CTNNA2: variants seen among roughly 807,000 people sequenced by gnomAD.
CTNNA2 encodes the protein catenin alpha-2.
A neutral mutation model predicts 101.0 loss-of-function variants in CTNNA2; 42 were observed. The ratio of observed to expected loss-of-function variants is 0.42; its 90% CI spans 0.32 to 0.54. The LOEUF is 0.54. Among genes scored for constraint, CTNNA2 ranks in the 20% least tolerant of loss-of-function variants. The probability of loss-of-function intolerance (pLI) is 0.14; values close to 1 mark genes in which losing one functional copy is unlikely to be tolerated. For synonymous variants in CTNNA2, 450 were observed against 456.4 expected (o/e 0.99, Z 0.18); for missense variants, 871 against 1,223.1 (o/e 0.71, Z 4.29).
At chr2:79,931,497 C>T (rs2104422572) in intron 7 of CTNNA2, among the ~76,000 whole-genome samples, 2 of 152,080 alleles carry the variant, frequency 1.3e-5, no homozygotes, top group African/African-American at 4.8e-5. Context: ...ACCCATGGTC[C>T]TCAAAGTGTG....
At chr2:79,230,075 G>C (rs1397125760) in intron 2 of CTNNA2, among the ~76,000 whole-genome samples, 1 of 152,238 alleles carries the variant, frequency 6.6e-6, no homozygotes, top group African/African-American at 2.4e-5. Flanking sequence ...GATGGACAAT[G>C]TGATAAAAAT....
intron 7 of CTNNA2, among the ~76,000 whole-genome samples, chr2:80,217,614 G>A (rs1252787734): frequency 6.6e-6 from 1 of 152,062 alleles, no homozygotes; most frequent in Admixed American, 6.5e-5. Context: ...ACTCTTAATT[G>A]TTGTAGGCAC....
At chr2:79,926,855 C>T (rs554397358) in intron 7 of CTNNA2, among the ~76,000 whole-genome samples, 1 of 151,600 alleles carries the variant, frequency 6.6e-6, no homozygotes, top group East Asian at 1.9e-4. Context: ...TGTTGTAAGC[C>T]TATTAAGTCC....
At chr2:79,442,425 C>T (rs949261511) in intron 4 of CTNNA2, among the ~76,000 whole-genome samples, 2 of 152,252 alleles carry the variant, frequency 1.3e-5, no homozygotes, top group East Asian at 3.9e-4. Flanking sequence ...TTTCTGAAAG[C>T]TCCCTATGTT....
intron 4 of CTNNA2, among the ~76,000 whole-genome samples, chr2:79,426,879 A>G (rs999002839): frequency 2.0e-5 from 3 of 152,150 alleles, no homozygotes; most frequent in Admixed American, 2.0e-4. Context: ...AATAGACAAG[A>G]TTCTGCCCTT....
At chr2:79,262,557 T>C (rs1319370752) in intron 2 of CTNNA2, among the ~76,000 whole-genome samples, 2 of 152,022 alleles carry the variant, frequency 1.3e-5, no homozygotes, top group Non-Finnish European at 2.9e-5. Flanking sequence ...TCTGTGAAAC[T>C]TAGAGATAAT....
chr2:79,300,467 T>A (rs1676082176), intron 2 of CTNNA2, among the ~76,000 whole-genome samples: 2 of 152,136 alleles, frequency 1.3e-5, no homozygotes, highest in Non-Finnish European at 2.9e-5. Context: ...ACCACTTTCT[T>A]CTCTCTCCAA....
At position 79,799,348 on chromosome 2, in the gene CTNNA2, A is replaced by G. The variant is rs75929529; in HGVS notation, c.298+54766A>G. ...ATTCCAAACACCACACCCCGCCTGT[A>G]ATATAGACTGTGATACAGAGTTGGC... On this transcript the variant is annotated intron_variant, in intron 3 of 18. Coordinates refer to ENST00000402739, the MANE Select transcript of CTNNA2 (RefSeq NM_001282597.3). Among the ~76,000 whole-genome samples, 201 of 152,208 alleles carry G rather than the reference A, an allele frequency of 1.3e-3. 1 individual carries two copies. Among genetic ancestry groups the G allele is most frequent in the African/African-American group, 4.7e-3 (194 of 41,520 alleles).
At chr2:79,688,662 G>T (rs888914178) in intron 2 of CTNNA2, among the ~76,000 whole-genome samples, 4 of 151,986 alleles carry the variant, frequency 2.6e-5, no homozygotes, top group Admixed American at 1.3e-4. Flanking sequence ...AAAGTACTAA[G>T]TGAACAAGAT....
At chr2:80,105,402 G>A (rs1289734427) in intron 7 of CTNNA2, among the ~76,000 whole-genome samples, 5 of 152,202 alleles carry the variant, frequency 3.3e-5, no homozygotes, top group African/African-American at 1.2e-4. Flanking sequence ...GGTTTATCAG[G>A]TACATAAAGC....
chr2:79,981,060 C>T lies in CTNNA2; in HGVS notation c.1056+71263C>T, dbSNP rs188528369. On this transcript the variant is annotated intron_variant, in intron 7 of 18. Coordinates refer to ENST00000402739, the MANE Select transcript of CTNNA2 (RefSeq NM_001282597.3). ...TTTATCAGCCACGTATGGAGAGATT[C>T]TGAAAGATGTTTTGTCATTTTCCAC... 1.5e-4 allele frequency among the ~76,000 whole-genome samples: 23 copies of T among 152,074 alleles called. No individual in the cohort carries two copies. The East Asian group carries it at 3.5e-3, about 23-fold the overall frequency.
intron 2 of CTNNA2, among the ~76,000 whole-genome samples, chr2:79,729,432 G>A (rs1342223843): frequency 2.0e-5 from 3 of 152,036 alleles, no homozygotes; most frequent in Non-Finnish European, 4.4e-5. Flanking sequence ...TCCAAATTCT[G>A]TATTGTTTCT....
chr2:80,215,239 G>C (rs901978227), intron 7 of CTNNA2, among the ~76,000 whole-genome samples: 2 of 152,042 alleles, frequency 1.3e-5, no homozygotes, highest in African/African-American at 4.8e-5. Context: ...TGTTATTACC[G>C]ATCATCTGAA....
chr2:80,182,742 C>A (rs1011529361), intron 7 of CTNNA2, among the ~76,000 whole-genome samples: 1 of 152,060 alleles, frequency 6.6e-6, no homozygotes, highest in African/African-American at 2.4e-5. Flanking sequence ...ATTTTTATGG[C>A]GAAAAAGCCA....
intron 2 of CTNNA2, among the ~76,000 whole-genome samples, chr2:79,298,717 A>C (rs141291154): frequency 6.6e-6 from 1 of 152,180 alleles, no homozygotes; most frequent in Non-Finnish European, 1.5e-5. Context: ...CTTATCCCCA[A>C]GTCAAAAATC....
At chr2:79,259,799 A>G (rs1383452293) in intron 2 of CTNNA2, among the ~76,000 whole-genome samples, 1 of 152,186 alleles carries the variant, frequency 6.6e-6, no homozygotes, top group Non-Finnish European at 1.5e-5. Flanking sequence ...AATGCACAAA[A>G]GAACCAAAAC....
intron 2 of CTNNA2, among the ~76,000 whole-genome samples, chr2:79,284,279 A>G (rs1675490769): frequency 1.8e-5 from 1 of 54,178 alleles, no homozygotes; most frequent in Non-Finnish European, 3.5e-5. Context: ...TGCCCTGGCC[A>G]GAACTTCCAA....
At chr2:79,978,103 AC>A in intron 7 of CTNNA2, among the ~76,000 whole-genome samples, 1 of 152,194 alleles carries the variant, frequency 6.6e-6, no homozygotes, top group East Asian at 1.9e-4. Context: ...GTAAGGTTTT[AC>A]CATTGAGATG....
intron 2 of CTNNA2, among the ~76,000 whole-genome samples, chr2:79,686,506 G>A (rs1004018158): frequency 3.9e-5 from 6 of 152,082 alleles, no homozygotes; most frequent in South Asian, 2.1e-4. Context: ...ACTCTATTTC[G>A]TACTCATTGA....
Sources: gnomAD v4.1 joint callset for allele counts (sites outside exome capture counted in the v4.1 genomes callset) on GRCh38, gnomAD v4.1.1 for gene constraint, MANE v1.5 for transcripts, NCBI Gene and HGNC (gene_info 2026-07-23, HGNC 2026-07-21) for gene names.